The following SNX25 variants were observed in gnomAD, a reference collection of about 807,000 sequenced individuals.
SNX25 encodes the protein sorting nexin-25.
In SNX25, 62 loss-of-function variants were observed where a neutral mutation model predicts 113.7. The ratio of observed to expected loss-of-function variants is 0.55; its 90% CI spans 0.44 to 0.67. The LOEUF (loss-of-function observed/expected upper bound fraction) is 0.67. Ranked by LOEUF, SNX25 falls within the 30% of genes least tolerant of loss-of-function variation. SNX25 has a pLI of 0.00. For missense variants in SNX25, 1,014 were observed against 1,161.0 expected (o/e 0.87, Z 1.84); for synonymous variants, 421 against 436.2 (o/e 0.97, Z 0.43).
intron 6 of SNX25, among the ~76,000 whole-genome samples, chr4:185,303,520 G>A (rs1330384463): frequency 6.6e-6 from 1 of 151,984 alleles, no homozygotes; most frequent in Non-Finnish European, 1.5e-5. Context: ...TTAGCCGGGC[G>A]TGGTGGTGGG....
At chr4:185,373,014 G>A, downstream of SNX25, 1 of 1,613,650 alleles carries the variant, frequency 6.2e-7, no homozygotes. Flanking sequence ...ACAAGTACAT[G>A]AGCCCAAGTG....
In SNX25 at chr4:185,223,655, C is replaced by T. The variant is rs183917541; in HGVS notation, c.429+13400C>T. On this transcript the variant is annotated intron_variant, in intron 1 of 18. Transcript: ENST00000652585. ...AATTAGCCGGGCGTGGTGGCGGGCA[C>T]CTGTAGTCCCAGGTACTCAGGAGGC... Among the ~76,000 whole-genome samples the T allele has an allele frequency of 2.4e-3, 365 of 152,050 alleles. 2 individuals are homozygous for T. Among genetic ancestry groups the T allele is most frequent in the African/African-American group, 8.3e-3 (346 of 41,496 alleles).
chr4:185,252,552 G>T (rs1190996482), intron 2 of SNX25, among the ~76,000 whole-genome samples: 1 of 152,008 alleles, frequency 6.6e-6, no homozygotes, highest in African/African-American at 2.4e-5. Context: ...GAACATTATG[G>T]TACCATTTTA....
chr4:185,231,525 C>A (rs1383116153), intron 1 of SNX25, among the ~76,000 whole-genome samples: 2 of 151,832 alleles, frequency 1.3e-5, no homozygotes, highest in African/African-American at 4.8e-5. Context: ...GCCTGGCCAA[C>A]ACTGCGAAAC....
At chr4:185,222,809 A>G (rs1740204604) in intron 1 of SNX25, among the ~76,000 whole-genome samples, 2 of 152,212 alleles carry the variant, frequency 1.3e-5, no homozygotes, top group Non-Finnish European at 2.9e-5. Context: ...CATTGGTCTG[A>G]ATGTGAATCT....
At chr4:185,304,346 G>A (rs1261073868) in intron 6 of SNX25, among the ~76,000 whole-genome samples, 1 of 152,034 alleles carries the variant, frequency 6.6e-6, no homozygotes, top group Non-Finnish European at 1.5e-5. Context: ...CACCACGCCT[G>A]GCTAATTTTT....
At chr4:185,332,192 C>T (rs1238682716) in intron 9 of SNX25, among the ~76,000 whole-genome samples, 2 of 152,068 alleles carry the variant, frequency 1.3e-5, no homozygotes, top group African/African-American at 2.4e-5. Flanking sequence ...TTTAGAGGGG[C>T]TTGCATGAGT....
chr4:185,318,385 A>G (rs937000803), intron 7 of SNX25, among the ~76,000 whole-genome samples: 1 of 152,216 alleles, frequency 6.6e-6, no homozygotes, highest in Non-Finnish European at 1.5e-5. Context: ...GCTGTATTAC[A>G]GCAGTCCATA....
At chr4:185,331,080 G>A (rs919676576) in intron 9 of SNX25, among the ~76,000 whole-genome samples, 12 of 152,094 alleles carry the variant, frequency 7.9e-5, no homozygotes, top group Middle Eastern at 3.2e-3. Flanking sequence ...CCTTCACCTC[G>A]GATTCAAAGA....
At chr4:185,206,040 A>G (rs940832032), upstream of SNX25, among the ~76,000 whole-genome samples, 1 of 152,240 alleles carries the variant, frequency 6.6e-6, no homozygotes, top group Non-Finnish European at 1.5e-5. Flanking sequence ...GGAAAGATCG[A>G]AACCCTTATG....
intron 6 of SNX25, among the ~76,000 whole-genome samples, chr4:185,299,825 C>T (rs1285070118): frequency 6.6e-6 from 1 of 152,120 alleles, no homozygotes; most frequent in East Asian, 1.9e-4. Flanking sequence ...GACATGTTAT[C>T]AAGCATATTT....
chr4:185,227,505 A>T (rs1741200739), intron 1 of SNX25, among the ~76,000 whole-genome samples: 1 of 152,180 alleles, frequency 6.6e-6, no homozygotes, highest in African/African-American at 2.4e-5. Flanking sequence ...GCATTTTTGT[A>T]TGTTCAGCTC....
intron 1 of SNX25, among the ~76,000 whole-genome samples, chr4:185,227,671 C>T (rs1741222867): frequency 6.6e-6 from 1 of 152,024 alleles, no homozygotes; most frequent in South Asian, 2.1e-4. Flanking sequence ...TGTACAGGTG[C>T]CCTTTGTGCA....
chr4:185,353,430 CTA>C (rs1214427037), intron 14 of SNX25, 53 bp from the exon 15 acceptor site: 4 of 1,371,090 alleles, frequency 2.9e-6, no homozygotes, highest in Non-Finnish European at 4.1e-6. Context: ...GAGAACAACT[CTA>C]CCAATTTTCT....
chr4:185,231,321 G>C (rs1741823227), intron 1 of SNX25, among the ~76,000 whole-genome samples: 1 of 151,204 alleles, frequency 6.6e-6, no homozygotes, highest in Non-Finnish European at 1.5e-5. Flanking sequence ...GGATGGTCTT[G>C]ATCTCCTGAC....
Position 185,234,238 on chromosome 4 carries a change from T to TA in SNX25, c.430-13055dup, listed in dbSNP as rs1345003595. Among the ~76,000 whole-genome samples, 10 of 152,358 alleles carry TA rather than the reference T, an allele frequency of 6.6e-5. No individual in the cohort carries two copies. In the South Asian group the frequency reaches 2.1e-3, roughly 32 times the overall value. On this transcript the variant is annotated intron_variant, in intron 1 of 18. Transcript: ENST00000652585. ...AAGATTTTGCCTTTGTGTTAATACT[T>TA]ATTTTTCTTTTAGAAAGCAGGTTAT...
chr4:185,339,354 T>C lies in SNX25; in HGVS notation c.1915-25T>C, dbSNP rs758363663. Reference sequence around the variant, plus strand: ...GCATAGTTTTAAGTGTTTTCATAACTCCCAGGATATTTTCCCTGTGGCAGA... The same window carrying C: ...GCATAGTTTTAAGTGTTTTCATAACCCCCAGGATATTTTCCCTGTGGCAGA... On this transcript the variant is annotated intron_variant, in intron 10 of 18. Coordinates refer to ENST00000652585, the MANE Select transcript of SNX25 (RefSeq NM_001378034.2). 11 of 1,611,716 alleles carry C rather than the reference T, an allele frequency of 6.8e-6. No individual in the cohort carries two copies. In the South Asian group the frequency reaches 9.9e-5, roughly 15 times the overall value.
chr4:185,239,442 C>T lies in SNX25; in HGVS notation c.430-7852C>T, dbSNP rs928925716. On this transcript the variant is annotated intron_variant, in intron 1 of 18. Coordinates refer to ENST00000652585, the MANE Select transcript of SNX25 (RefSeq NM_001378034.2). ...AGCTTGCAGTGAGCTGAGATCGCAC[C>T]GCTGCACTCCAGCCTGGCAACAGAG... 9.3e-5 allele frequency among the ~76,000 whole-genome samples: 14 copies of T among 151,182 alleles called. 1 individual carries two copies. The highest frequency in any genetic ancestry group is 6.6e-4 in the Admixed American group (10 of 15,256).
At chr4:185,275,590 A>G (rs1480415062) in intron 5 of SNX25, among the ~76,000 whole-genome samples, 1 of 152,240 alleles carries the variant, frequency 6.6e-6, no homozygotes, top group Non-Finnish European at 1.5e-5. Context: ...GTATTAAAAC[A>G]TGAAAATTCT....
Sources: gnomAD v4.1 joint callset for allele counts (sites outside exome capture counted in the v4.1 genomes callset) on GRCh38, gnomAD v4.1.1 for gene constraint, MANE v1.5 for transcripts, NCBI Gene and HGNC (gene_info 2026-07-23, HGNC 2026-07-21) for gene names.